TTC13: variants seen among roughly 807,000 people sequenced by gnomAD.
TTC13 encodes tetratricopeptide repeat protein 13.
TTC13 carries 62 observed loss-of-function variants against 120.0 expected under a neutral mutation model. That is an observed-to-expected ratio of 0.52 (90% CI 0.42 to 0.64). The LOEUF (loss-of-function observed/expected upper bound fraction) is 0.64. Ranked by LOEUF, TTC13 falls within the 30% of genes least tolerant of loss-of-function variation. The probability of loss-of-function intolerance (pLI) is 0.00; values close to 1 mark genes in which losing one functional copy is unlikely to be tolerated. For synonymous variants in TTC13, 384 were observed against 393.5 expected, an observed-to-expected ratio of 0.98 and a Z score of 0.28; for missense variants, 824 against 1,050.2, an observed-to-expected ratio of 0.78 and a Z score of 2.98.
intron 3 of TTC13, among the ~76,000 whole-genome samples, chr1:230,957,517 C>A (rs966234791): frequency 7.2e-5 from 11 of 152,326 alleles, no homozygotes; most frequent in African/African-American, 2.6e-4. Context: ...AATAATTATG[C>A]ATAAATTAGA....
At chr1:230,927,222 A>G (rs1673125283) in intron 12 of TTC13, among the ~76,000 whole-genome samples, 1 of 152,194 alleles carries the variant, frequency 6.6e-6, no homozygotes, top group Non-Finnish European at 1.5e-5. Flanking sequence ...AGACATGTGC[A>G]CAAGTACAAA....
chr1:230,918,466 C>T (rs1290922370), intron 17 of TTC13, among the ~76,000 whole-genome samples: 2 of 152,168 alleles, frequency 1.3e-5, no homozygotes, highest in African/African-American at 4.8e-5. Flanking sequence ...TGTGTGGACA[C>T]TGTGTGGACT....
intron 4 of TTC13, among the ~76,000 whole-genome samples, chr1:230,952,117 T>A (rs1572258477): frequency 6.6e-6 from 1 of 152,246 alleles, no homozygotes; most frequent in Non-Finnish European, 1.5e-5. Context: ...CTTTCTTTTT[T>A]TCAGAGACAG....
rs1485102374 is a variant in TTC13, at chr1:230,975,675, TAAATA to T, written c.271+2880_271+2884del. ...TGCTTTTCAAGTAAAAAGGTAAAAATAAATAAAATATCAAAAAGGTAAAATGTAAA... is the reference window on the plus strand; with the variant it reads ...TGCTTTTCAAGTAAAAAGGTAAAAATAAATATCAAAAAGGTAAAATGTAAA... On this transcript the variant is annotated intron_variant, in intron 1 of 22. Coordinates refer to ENST00000366661, the MANE Select transcript of TTC13 (RefSeq NM_024525.5). 7.2e-5 allele frequency among the ~76,000 whole-genome samples: 11 copies of T among 152,106 alleles called. No individual in the cohort carries two copies. In the South Asian group the frequency reaches 2.1e-3, roughly 29 times the overall value.
intron 1 of TTC13, among the ~76,000 whole-genome samples, chr1:230,962,269 T>C (rs1676711722): frequency 6.6e-6 from 1 of 151,854 alleles, no homozygotes; most frequent in Non-Finnish European, 1.5e-5. Context: ...AAATAGCTCT[T>C]ACAACCCAAC....
chr1:230,941,244 T>G (rs1391172317), intron 6 of TTC13, among the ~76,000 whole-genome samples: 1 of 152,194 alleles, frequency 6.6e-6, no homozygotes, highest in Non-Finnish European at 1.5e-5. Context: ...TCAGTGTTCA[T>G]GCAATTAAGC....
Position 230,951,608 on chromosome 1 carries a change from A to T in TTC13, c.513+2725T>A, listed in dbSNP as rs561685986. On this transcript the variant is annotated intron_variant, in intron 4 of 22. Transcript: ENST00000366661. ...AGGTGCAACGTGAAGAATGAAAAGT[A>T]GTAGAGCAACATCTGTGTAGGCTTG... 8.5e-5 allele frequency among the ~76,000 whole-genome samples: 13 copies of T among 152,366 alleles called. No homozygotes were observed. In the South Asian group the frequency reaches 2.7e-3, roughly 32 times the overall value.
Position 230,924,971 on chromosome 1 carries a change from T to G in TTC13, c.1591A>C (p.Met531Leu), listed in dbSNP as rs766153428. ...FLPNKRIHRA[M>L]GLAALEVMQA... ...ATGACCTCCAATGCGGCCAAACCCA[T>G]AGCTACGAGAAAGGAATATCGAGAA... The change falls in exon 14 of 23, where the codon ATG (methionine) becomes CTG (leucine). Residue 531 changes from methionine to leucine, a missense_variant and splice_region_variant. Physicochemically the swap from Met to Leu is conservative, Grantham distance 15 (BLOSUM62 2). This residue lies in a region of TTC13 where 430 missense variants were observed against 626.8 expected (regional missense o/e 0.69). Transcript: ENST00000366661. 6.2e-7 allele frequency: 1 copy of G among 1,614,108 alleles called. No individual in the cohort carries two copies. Among genetic ancestry groups the G allele is most frequent in the Non-Finnish European group, 8.5e-7 (1 of 1,179,998 alleles).
At chr1:230,952,013 A>G (rs1414029860) in intron 4 of TTC13, among the ~76,000 whole-genome samples, 1 of 152,236 alleles carries the variant, frequency 6.6e-6, no homozygotes, top group Non-Finnish European at 1.5e-5. Flanking sequence ...ATAAACTCTA[A>G]TATAGAAAAG....
At chr1:230,970,246 G>T (rs1677591177) in intron 1 of TTC13, among the ~76,000 whole-genome samples, 1 of 152,182 alleles carries the variant, frequency 6.6e-6, no homozygotes, top group African/African-American at 2.4e-5. Flanking sequence ...ACCTTAAGAA[G>T]AGCAGTTTCA....
Position 230,965,636 on chromosome 1 carries a change from A to G in TTC13, c.272-4333T>C, listed in dbSNP as rs544240740. ...ACTGCTGGGTACATACCCAAAAGACAGGAAATCAGTATATGGAAGAGATAT... is the reference window on the plus strand; with the variant it reads ...ACTGCTGGGTACATACCCAAAAGACGGGAAATCAGTATATGGAAGAGATAT... On this transcript the variant is annotated intron_variant, in intron 1 of 22. Transcript: ENST00000366661. Among the ~76,000 whole-genome samples the G allele has an allele frequency of 2.6e-5, 4 of 152,336 alleles. No individual in the cohort carries two copies. The South Asian group carries it at 8.3e-4, about 32-fold the overall frequency.
Position 230,912,749 on chromosome 1 carries a change from A to T in TTC13, c.2103T>A (p.Asn701Lys), listed in dbSNP as rs748737740. Reference protein sequence around the residue: ...TITITGDKVGNILFSVETQTT... With the variant: ...TITITGDKVGKILFSVETQTT... ...TTTGAGTTTCCACAGAAAATAATATATTGCCAACTCTGAAAATACAAAAAT... is the reference window on the plus strand; with the variant it reads ...TTTGAGTTTCCACAGAAAATAATATTTTGCCAACTCTGAAAATACAAAAAT... The change falls in exon 19 of 23, where the codon AAT becomes AAA. Residue 701 changes from asparagine to lysine, a missense_variant. Asn to Lys is a moderately conservative substitution (Grantham distance 94). This residue lies in a region of TTC13 where 226 missense variants were observed against 259.1 expected (regional missense o/e 0.87). Transcript: ENST00000366661. 6.2e-7 allele frequency: 1 copy of T among 1,608,662 alleles called. No individual in the cohort carries two copies. Among genetic ancestry groups the T allele is most frequent in the South Asian group, 1.1e-5 (1 of 89,832 alleles).
intron 6 of TTC13, among the ~76,000 whole-genome samples, chr1:230,941,536 T>C (rs772514780): frequency 2.6e-5 from 4 of 152,188 alleles, no homozygotes; most frequent in Non-Finnish European, 4.4e-5. Flanking sequence ...CTCTTGGCCT[T>C]GAGCAATCCT....
chr1:230,919,076 T>C (rs1421497361), intron 17 of TTC13, among the ~76,000 whole-genome samples: 7 of 152,196 alleles, frequency 4.6e-5, no homozygotes, highest in Admixed American at 4.6e-4. Flanking sequence ...GTCCTTCCCA[T>C]TGAATTCAAA....
At chr1:230,965,317 AT>A (rs1283951076) in intron 1 of TTC13, among the ~76,000 whole-genome samples, 2 of 152,234 alleles carry the variant, frequency 1.3e-5, no homozygotes, top group Non-Finnish European at 2.9e-5. Context: ...ATGGGGAAAG[AT>A]TTGAATAGAC....
intron 11 of TTC13, 57 bp from the exon 12 acceptor site, chr1:230,929,150 T>G (rs928052341): frequency 7.8e-6 from 12 of 1,533,878 alleles, no homozygotes; most frequent in Non-Finnish European, 1.1e-5. Context: ...AACTTTCTTA[T>G]GGCTAGCTGC....
intron 1 of TTC13, among the ~76,000 whole-genome samples, chr1:230,976,753 A>C (rs1372998826): frequency 1.3e-5 from 2 of 152,382 alleles, no homozygotes; most frequent in East Asian, 3.9e-4. Flanking sequence ...TACAGTGTTC[A>C]TCCTCCAGGG....
intron 8 of TTC13, among the ~76,000 whole-genome samples, chr1:230,938,959 C>T (rs1050422248): frequency 1.1e-4 from 17 of 152,280 alleles, no homozygotes; most frequent in Admixed American, 4.6e-4. Flanking sequence ...TCATCACCCA[C>T]GCTCTCCTCT....
At chr1:230,937,371 T>C (rs1674161844) in intron 8 of TTC13, among the ~76,000 whole-genome samples, 1 of 152,340 alleles carries the variant, frequency 6.6e-6, no homozygotes, top group Middle Eastern at 3.4e-3. Flanking sequence ...GTATTTGTAA[T>C]CTTTTTCTCC....
Sources: allele counts gnomAD v4.1 joint callset (sites outside exome capture counted in the v4.1 genomes callset), GRCh38; gene constraint gnomAD v4.1.1; regional missense constraint gnomAD v4.1.1; transcripts MANE v1.5; gene names NCBI Gene and HGNC (gene_info 2026-07-23, HGNC 2026-07-21).